DCC: variants seen among roughly 807,000 people sequenced by gnomAD.
DCC encodes netrin receptor DCC.
Under a neutral mutation model 172.5 loss-of-function variants are expected in DCC, and 58 were observed. The ratio of observed to expected loss-of-function variants is 0.34; its 90% CI spans 0.27 to 0.42. The LOEUF (loss-of-function observed/expected upper bound fraction) is 0.42, where lower values mean the gene tolerates loss of function less well. Ranked by LOEUF, DCC falls within the 10% of genes least tolerant of loss-of-function variation. DCC has a pLI of 1.00. For missense variants in DCC, 1,740 were observed against 1,791.0 expected (o/e 0.97, Z 0.51); for synonymous variants, 709 against 644.5 (o/e 1.10, Z -1.52).
intron 14 of DCC, among the ~76,000 whole-genome samples, chr18:53,337,345 A>C (rs938588478): frequency 5.9e-5 from 9 of 152,248 alleles, no homozygotes; most frequent in Non-Finnish European, 1.2e-4. Flanking sequence ...TTTAATAGTT[A>C]GTGCAAACAC....
chr18:53,309,379 T>G (rs1453708910), intron 13 of DCC, among the ~76,000 whole-genome samples: 1 of 152,242 alleles, frequency 6.6e-6, no homozygotes, highest in Non-Finnish European at 1.5e-5. Context: ...TAGAGCCCAC[T>G]TGAAATCCAG....
intron 1 of DCC, among the ~76,000 whole-genome samples, chr18:52,568,831 G>A (rs7241574): frequency 0.016 from 2,467 of 152,146 alleles, 74 homozygotes; most frequent in African/African-American, 0.057. Flanking sequence ...TTTTTTAAAT[G>A]CCTAAGTTTA....
At chr18:53,370,082 T>G (rs1477630707) in intron 15 of DCC, among the ~76,000 whole-genome samples, 1 of 151,850 alleles carries the variant, frequency 6.6e-6, no homozygotes, top group African/African-American at 2.4e-5. Context: ...ACCCATGAGG[T>G]CCTGGACTTT....
intron 2 of DCC, among the ~76,000 whole-genome samples, chr18:52,886,637 C>G (rs1038464804): frequency 6.6e-6 from 1 of 152,118 alleles, no homozygotes; most frequent in Non-Finnish European, 1.5e-5. Flanking sequence ...GGGGGTCAGA[C>G]AAAACCTCTG....
At chr18:52,899,991 G>A (rs1897533255) in intron 2 of DCC, among the ~76,000 whole-genome samples, 1 of 152,188 alleles carries the variant, frequency 6.6e-6, no homozygotes, top group South Asian at 2.1e-4. Context: ...CATAGACTCG[G>A]CTCTGATTTG....
chr18:52,686,936 C>T (rs2035846784), intron 1 of DCC, among the ~76,000 whole-genome samples: 1 of 152,032 alleles, frequency 6.6e-6, no homozygotes, highest in African/African-American at 2.4e-5. Context: ...ATTCTTGTCA[C>T]ACCCAGAACA....
intron 27 of DCC, among the ~76,000 whole-genome samples, chr18:53,501,148 C>T (rs912076282): frequency 6.6e-6 from 1 of 152,212 alleles, no homozygotes; most frequent in African/African-American, 2.4e-5. Flanking sequence ...ATTGCAACTG[C>T]TAACAATAAC....
At chr18:52,434,065 A>G (rs1292710296) in intron 1 of DCC, among the ~76,000 whole-genome samples, 4 of 152,242 alleles carry the variant, frequency 2.6e-5, no homozygotes, top group Non-Finnish European at 4.4e-5. Context: ...GCTTTCTTGC[A>G]TAATCAGAGA....
intron 7 of DCC, among the ~76,000 whole-genome samples, chr18:53,115,058 G>A (rs1181125827): frequency 2.0e-5 from 3 of 151,290 alleles, no homozygotes; most frequent in African/African-American, 7.3e-5. Context: ...CAATTTTCAG[G>A]TTTTTCTCCT....
At chr18:52,919,406 A>G (rs959133327) in intron 3 of DCC, among the ~76,000 whole-genome samples, 1 of 152,188 alleles carries the variant, frequency 6.6e-6, no homozygotes, top group Non-Finnish European at 1.5e-5. Flanking sequence ...CTTTTGGGGG[A>G]ACTTTCTTAC....
At chr18:52,862,699 CA>C (rs1366385548) in intron 2 of DCC, among the ~76,000 whole-genome samples, 3 of 151,400 alleles carry the variant, frequency 2.0e-5, no homozygotes, top group African/African-American at 7.3e-5. Context: ...CTGTTGTCTC[CA>C]AAAAAATATA....
chr18:52,990,314 G>A (rs2041363939), intron 5 of DCC, among the ~76,000 whole-genome samples: 1 of 152,082 alleles, frequency 6.6e-6, no homozygotes, highest in African/African-American at 2.4e-5. Context: ...GCAGAGGCAG[G>A]CAGATCACCT....
At chr18:53,099,297 G>A (rs1450664549) in intron 7 of DCC, among the ~76,000 whole-genome samples, 1 of 151,724 alleles carries the variant, frequency 6.6e-6, no homozygotes, top group Non-Finnish European at 1.5e-5. Context: ...TATTCAATGG[G>A]TTATTACCTG....
chr18:52,596,920 C>T lies in DCC; in HGVS notation c.92-155134C>T, dbSNP rs187195901. On this transcript the variant is annotated intron_variant, in intron 1 of 28. Transcript: ENST00000442544. ...CCGTGTTTGTTTTTTCCCTGAGCTTCGCTTTCCTTGCTTGGATATTTTGTG... is the reference window on the plus strand; with the variant it reads ...CCGTGTTTGTTTTTTCCCTGAGCTTTGCTTTCCTTGCTTGGATATTTTGTG... 3.2e-4 allele frequency among the ~76,000 whole-genome samples: 49 copies of T among 152,272 alleles called. 1 individual carries two copies. The highest frequency in any genetic ancestry group is 5.4e-4 in the Non-Finnish European group (37 of 68,022).
intron 7 of DCC, among the ~76,000 whole-genome samples, chr18:53,070,039 G>T (rs1255340396): frequency 6.6e-6 from 1 of 151,602 alleles, no homozygotes; most frequent in Non-Finnish European, 1.5e-5. Flanking sequence ...GAGTGCAATG[G>T]CACAATCCTG....
intron 28 of DCC, among the ~76,000 whole-genome samples, chr18:53,528,615 T>C (rs926941861): frequency 6.6e-6 from 1 of 152,056 alleles, no homozygotes. Flanking sequence ...AGAGGACAAA[T>C]AGTGTAGACC....
At chr18:52,455,956 C>T (rs1598832510) in intron 1 of DCC, among the ~76,000 whole-genome samples, 1 of 152,048 alleles carries the variant, frequency 6.6e-6, no homozygotes, top group Non-Finnish European at 1.5e-5. Context: ...CTTTTGGAAG[C>T]TTTAGTTGAA....
chr18:53,175,643 G>A (rs927968383), intron 8 of DCC, among the ~76,000 whole-genome samples: 1 of 151,706 alleles, frequency 6.6e-6, no homozygotes, highest in Non-Finnish European at 1.5e-5. Flanking sequence ...CCTCTTCAAG[G>A]AGAACTACAA....
At chr18:53,033,418 T>A (rs1002163322) in intron 5 of DCC, among the ~76,000 whole-genome samples, 5 of 152,164 alleles carry the variant, frequency 3.3e-5, no homozygotes, top group African/African-American at 1.2e-4. Context: ...TTTCTCCTCA[T>A]TCCTTCACTG....
Sources: gnomAD v4.1 joint callset for allele counts (sites outside exome capture counted in the v4.1 genomes callset) on GRCh38, gnomAD v4.1.1 for gene constraint, MANE v1.5 for transcripts, NCBI Gene and HGNC (gene_info 2026-07-23, HGNC 2026-07-21) for gene names.